VANGL1: variants seen among roughly 807,000 people sequenced by gnomAD.
The protein encoded by VANGL1 is vang-like protein 1.
In VANGL1, 18 loss-of-function variants were observed where a neutral mutation model predicts 48.4. The observed-to-expected ratio is 0.37, with a 90% CI of 0.26 to 0.55. The LOEUF is 0.55. Among genes scored for constraint, VANGL1 ranks in the 20% least tolerant of loss-of-function variants. The pLI, the probability that VANGL1 is intolerant of heterozygous loss-of-function variation, is 0.81. For missense variants in VANGL1, 667 were observed against 675.8 expected (o/e 0.99, Z 0.14); for synonymous variants, 257 against 261.8 (o/e 0.98, Z 0.18).
intron 4 of VANGL1, among the ~76,000 whole-genome samples, chr1:115,675,634 C>T (rs1242262766): frequency 6.6e-6 from 1 of 151,396 alleles, no homozygotes; most frequent in African/African-American, 2.4e-5. Flanking sequence ...ACCCCATCTC[C>T]ACTAAAAATC....
intron 7 of VANGL1, among the ~76,000 whole-genome samples, chr1:115,686,357 G>C (rs1653617002): frequency 7.7e-6 from 1 of 130,144 alleles, no homozygotes; most frequent in East Asian, 2.2e-4. Context: ...GGGCGACAGA[G>C]CGAGACTCCG....
In VANGL1 at chr1:115,666,389, C is replaced by T. The variant is rs537253059; in HGVS notation, c.812+2121C>T. Among the ~76,000 whole-genome samples the T allele has an allele frequency of 7.2e-5, 11 of 152,236 alleles. No individual in the cohort carries two copies. The South Asian group carries it at 8.3e-4, about 12-fold the overall frequency. ...TGGAGAGGGGACAAACCAAACAGCC[C>T]GAGGAAAGTATGCCTGTGGCGTGTT... On this transcript the variant is annotated intron_variant, in intron 4 of 7. Transcript: ENST00000355485.
rs1466359713 is a variant in VANGL1 at position 115,688,369 on chromosome 1, T to C, written c.1315-2750T>C. Among the ~76,000 whole-genome samples the C allele has an allele frequency of 1.4e-5, 2 of 138,978 alleles. 1 individual carries two copies. Among genetic ancestry groups the C allele is most frequent in the African/African-American group, 5.4e-5 (2 of 37,020 alleles). 91.2% of individuals were successfully genotyped at this position (138,978 alleles called of 152,430 possible). On this transcript the variant is annotated intron_variant, in intron 7 of 7. Transcript: ENST00000355485. ...GCCAGGGGCTTGTTGTATTTGTTAA[T>C]CAGATTTTATTGGCACAGAGCCATG...
At chr1:115,659,122 C>A (rs184448884) in intron 2 of VANGL1, among the ~76,000 whole-genome samples, 3 of 152,108 alleles carry the variant, frequency 2.0e-5, no homozygotes, top group Non-Finnish European at 4.4e-5. Flanking sequence ...ATTCTTTGTA[C>A]TGACTTTGAA....
At chr1:115,666,957 G>C (rs558506151) in intron 4 of VANGL1, among the ~76,000 whole-genome samples, 1 of 152,246 alleles carries the variant, frequency 6.6e-6, no homozygotes, top group African/African-American at 2.4e-5. Context: ...GAACCCAGCA[G>C]TGGCTGGAAG....
At chr1:115,660,254 A>G (rs1247141796) in intron 3 of VANGL1, among the ~76,000 whole-genome samples, 1 of 152,186 alleles carries the variant, frequency 6.6e-6, no homozygotes, top group Admixed American at 6.5e-5. Context: ...GGGGGCAAAA[A>G]TATATTAACC....
chr1:115,671,269 T>A (rs1254462639), intron 4 of VANGL1: 2 of 152,406 alleles, frequency 1.3e-5, no homozygotes, highest in African/African-American at 4.8e-5. Flanking sequence ...TCCCGTATTC[T>A]CCACACTCAC....
intron 1 of VANGL1, among the ~76,000 whole-genome samples, chr1:115,642,469 C>G (rs1344175613): frequency 6.6e-6 from 1 of 152,032 alleles, no homozygotes; most frequent in Non-Finnish European, 1.5e-5. Context: ...GCGGGCAGGC[C>G]GGCAGGGAGT....
At chr1:115,668,925 C>T in intron 4 of VANGL1, among the ~76,000 whole-genome samples, 1 of 152,198 alleles carries the variant, frequency 6.6e-6, no homozygotes, top group East Asian at 1.9e-4. Context: ...GAAAGCAAGC[C>T]ACAGCCCTAT....
At position 115,664,202 on chromosome 1, in the gene VANGL1, T is replaced by C. The variant is rs750307907; in HGVS notation, c.746T>C (p.Met249Thr). 10 of 1,614,010 alleles carry C rather than the reference T, an allele frequency of 6.2e-6. No individual in the cohort carries two copies. Among genetic ancestry groups the C allele is most frequent in the South Asian group, 2.2e-5 (2 of 91,080 alleles). ...VLLELRQLQPMFTLQVVRSTD... is the reference protein window; with the variant it reads ...VLLELRQLQPTFTLQVVRSTD... ...CTGGAGCTCAGGCAGCTGCAGCCCA[T>C]GTTCACGCTGCAGGTGGTCCGCTCC... The change falls in exon 4 of 8, where the codon ATG becomes ACG. Residue 249 changes from methionine (M) to threonine (T), a missense_variant. Physicochemically the swap from Met to Thr is moderately conservative, Grantham distance 81. Coordinates refer to ENST00000355485, the MANE Select transcript of VANGL1 (RefSeq NM_138959.3).
rs1653913186 is a variant in VANGL1 at position 115,693,267 on chromosome 1, A to T, written c.*1888A>T. On this transcript the variant is annotated 3_prime_UTR_variant, in exon 8 of 8. Transcript: ENST00000355485. ...TTCCTTACAATATCTTTCTCAGGAA[A>T]TATTTTGGGAAATGGGGTAAGAGAT... is the stretch of plus-strand genomic sequence containing the variant. 6.6e-6 allele frequency: 1 copy of T among 152,616 alleles called. No individual in the cohort carries two copies. Among genetic ancestry groups the T allele is most frequent in the Admixed American group, 6.5e-5 (1 of 15,282 alleles). The allele number at this position is 152,616 out of a possible 1,614,324, so 9.5% of individuals were successfully genotyped here. A position where few individuals can be genotyped will look rare whatever the true frequency, so the allele number is the denominator to read the frequency against.
intron 3 of VANGL1, among the ~76,000 whole-genome samples, chr1:115,660,406 T>C (rs560183721): frequency 6.6e-6 from 1 of 152,314 alleles, no homozygotes; most frequent in South Asian, 2.1e-4. Context: ...CTACTGTTGC[T>C]CAGGAATGCA....
intron 4 of VANGL1, among the ~76,000 whole-genome samples, chr1:115,673,555 C>G (rs1233132463): frequency 6.7e-6 from 1 of 149,622 alleles, no homozygotes; most frequent in Non-Finnish European, 1.5e-5. Flanking sequence ...CTGCCCCCAT[C>G]ATTACATGAC....
chr1:115,649,681 G>A (rs1652073868), intron 1 of VANGL1, among the ~76,000 whole-genome samples: 1 of 152,220 alleles, frequency 6.6e-6, no homozygotes, highest in Non-Finnish European at 1.5e-5. Context: ...CATGTTCAAA[G>A]AGGTTTACTA....
chr1:115,669,737 A>G (rs1652908767), intron 4 of VANGL1, among the ~76,000 whole-genome samples: 1 of 152,186 alleles, frequency 6.6e-6, no homozygotes, highest in Admixed American at 6.5e-5. Flanking sequence ...TTTTCTATAT[A>G]AATTACCCAG....
At chr1:115,655,559 G>A (rs1252670579) in intron 2 of VANGL1, among the ~76,000 whole-genome samples, 3 of 152,116 alleles carry the variant, frequency 2.0e-5, no homozygotes, top group African/African-American at 4.8e-5. Flanking sequence ...ATAAAGATAC[G>A]AAGAAAAACT....
At chr1:115,682,154 G>A (rs920943955) in intron 4 of VANGL1, among the ~76,000 whole-genome samples, 1 of 152,226 alleles carries the variant, frequency 6.6e-6, no homozygotes, top group African/African-American at 2.4e-5. Flanking sequence ...AGGTCCAGGA[G>A]AGGGCACAGA....
chr1:115,663,513 T>G, intron 3 of VANGL1, 148 bp from the exon 4 acceptor site: 1 of 1,092,000 alleles, frequency 9.2e-7, no homozygotes, highest in East Asian at 2.6e-5. Flanking sequence ...GTTAAGAAGT[T>G]CTAATATTTA....
At chr1:115,648,607 C>T (rs1652020892) in intron 1 of VANGL1, among the ~76,000 whole-genome samples, 1 of 152,180 alleles carries the variant, frequency 6.6e-6, no homozygotes, top group Non-Finnish European at 1.5e-5. Context: ...TTACCATGTG[C>T]CAGAGACTTT....
Sources: gnomAD v4.1 joint callset for allele counts (sites outside exome capture counted in the v4.1 genomes callset) on GRCh38, gnomAD v4.1.1 for gene constraint, MANE v1.5 for transcripts, NCBI Gene and HGNC (gene_info 2026-07-23, HGNC 2026-07-21) for gene names.